The following MMP16 variants were observed in gnomAD, a reference collection of about 807,000 sequenced individuals.
MMP16 encodes the protein matrix metalloproteinase-16.
MMP16 carries 12 observed loss-of-function variants against 67.8 expected under a neutral mutation model. That is an observed-to-expected ratio of 0.18 (90% CI 0.11 to 0.29). The LOEUF is 0.29. MMP16 is among the 10% of genes least tolerant of loss of function. MMP16 has a pLI of 1.00. For missense variants in MMP16, 475 were observed against 765.7 expected, an observed-to-expected ratio of 0.62 and a Z score of 4.48; for synonymous variants, 249 against 255.9, an observed-to-expected ratio of 0.97 and a Z score of 0.26.
intron 4 of MMP16, among the ~76,000 whole-genome samples, chr8:88,123,195 T>C (rs1185506875): frequency 1.3e-5 from 2 of 151,990 alleles, no homozygotes; most frequent in Non-Finnish European, 2.9e-5. Flanking sequence ...GATTAAGAGG[T>C]GATTCTAAGA....
intron 6 of MMP16, among the ~76,000 whole-genome samples, chr8:88,089,571 T>C (rs1808898843): frequency 6.6e-6 from 1 of 151,660 alleles, no homozygotes; most frequent in South Asian, 2.1e-4. Context: ...AGAATGTATA[T>C]AAGAAAACAG....
chr8:88,278,832 T>C (rs1233395304), intron 1 of MMP16, among the ~76,000 whole-genome samples: 2 of 152,108 alleles, frequency 1.3e-5, no homozygotes, highest in African/African-American at 2.4e-5. Context: ...CTAGGGGCAT[T>C]GTACAATCCT....
chr8:88,090,594 G>A (rs1385396748), intron 6 of MMP16, among the ~76,000 whole-genome samples: 1 of 151,586 alleles, frequency 6.6e-6, no homozygotes, highest in Non-Finnish European at 1.5e-5. Context: ...CCTCTGATTG[G>A]TGCTCAAATG....
intron 1 of MMP16, among the ~76,000 whole-genome samples, chr8:88,295,341 C>T (rs959486510): frequency 1.6e-4 from 25 of 152,150 alleles, no homozygotes; most frequent in Middle Eastern, 3.4e-3. Flanking sequence ...ATGTAGGTGC[C>T]CTAAACACTT....
intron 6 of MMP16, among the ~76,000 whole-genome samples, chr8:88,097,185 T>C (rs1164056018): frequency 6.6e-6 from 1 of 151,996 alleles, no homozygotes; most frequent in Non-Finnish European, 1.5e-5. Flanking sequence ...GAAAATGTTT[T>C]ATGATTTCAG....
intron 1 of MMP16, among the ~76,000 whole-genome samples, chr8:88,262,970 A>G (rs920591054): frequency 6.6e-6 from 1 of 150,974 alleles, no homozygotes; most frequent in Non-Finnish European, 1.5e-5. Flanking sequence ...GCTTGCAGTG[A>G]GCCGAGATCG....
Position 88,036,036 on chromosome 8 carries a change from C to G in MMP16, c.*5425G>C, listed in dbSNP as rs754211728. ...CATGAAGGCAACTTCTTTGCTACTA[C>G]GCCAAGTGTCTTAGATTACATGAGT... On this transcript the variant is annotated 3_prime_UTR_variant, in exon 10 of 10. Coordinates refer to ENST00000286614, the MANE Select transcript of MMP16 (RefSeq NM_005941.5). 1 of 151,944 alleles carries G rather than the reference C, an allele frequency of 6.6e-6. No individual in the cohort carries two copies. Among genetic ancestry groups the G allele is most frequent in the Non-Finnish European group, 1.5e-5 (1 of 67,866 alleles). The allele number at this position is 151,944 out of a possible 1,614,324, so 9.4% of individuals were successfully genotyped here. A position where few individuals can be genotyped will look rare whatever the true frequency, so the allele number is the denominator to read the frequency against.
At chr8:88,257,220 G>T (rs549424355) in intron 1 of MMP16, among the ~76,000 whole-genome samples, 1 of 152,278 alleles carries the variant, frequency 6.6e-6, no homozygotes, top group South Asian at 2.1e-4. Flanking sequence ...CAACAAACAT[G>T]TTGAGACAGT....
intron 3 of MMP16, among the ~76,000 whole-genome samples, chr8:88,179,828 T>C (rs763175204): frequency 3.3e-5 from 5 of 152,012 alleles, no homozygotes; most frequent in South Asian, 2.1e-4. Context: ...GGAGGACAAT[T>C]GACAGGCTAA....
chr8:88,180,689 C>G (rs564601109), intron 3 of MMP16, among the ~76,000 whole-genome samples: 98 of 152,022 alleles, frequency 6.4e-4, no homozygotes, highest in African/African-American at 2.3e-3. Context: ...TAATTGGAGA[C>G]TTCCAATATC....
chr8:88,182,131 C>T (rs918734344), intron 3 of MMP16, among the ~76,000 whole-genome samples: 4 of 151,798 alleles, frequency 2.6e-5, no homozygotes, highest in East Asian at 3.9e-4. Flanking sequence ...AAGCACAATA[C>T]GAGAAGGAAA....
At chr8:88,105,344 GGTTA>G in intron 6 of MMP16, among the ~76,000 whole-genome samples, 1 of 151,124 alleles carries the variant, frequency 6.6e-6, no homozygotes, top group African/African-American at 2.4e-5. Context: ...TCATATATGG[GGTTA>G]GTAATTGGAA....
At chr8:88,244,162 A>G (rs1377226842) in intron 1 of MMP16, among the ~76,000 whole-genome samples, 1 of 152,126 alleles carries the variant, frequency 6.6e-6, no homozygotes, top group African/African-American at 2.4e-5. Flanking sequence ...TGAAGCAAAC[A>G]CTGCAGTGTA....
rs192311784 is a variant in MMP16 at position 88,285,885 on chromosome 8, C to T, written c.132+41190G>A. Among the ~76,000 whole-genome samples the T allele has an allele frequency of 2.3e-3, 351 of 152,258 alleles. 1 individual carries two copies. Among genetic ancestry groups the T allele is most frequent in the Admixed American group, 3.5e-3 (53 of 15,288 alleles). On this transcript the variant is annotated intron_variant, in intron 1 of 9. Coordinates refer to ENST00000286614, the MANE Select transcript of MMP16 (RefSeq NM_005941.5). ...GGCATTCCTCAAATAAAACGTTTTG[C>T]CATCTTATTTGTCACCTGTTATGTC...
chr8:88,176,499 G>A (rs1808892463), intron 3 of MMP16, among the ~76,000 whole-genome samples: 1 of 152,160 alleles, frequency 6.6e-6, no homozygotes, highest in African/African-American at 2.4e-5. Flanking sequence ...AATGAAAACA[G>A]TGTATCAATA....
intron 2 of MMP16, among the ~76,000 whole-genome samples, chr8:88,188,202 A>G (rs901391039): frequency 3.9e-5 from 6 of 152,212 alleles, no homozygotes; most frequent in Non-Finnish European, 8.8e-5. Flanking sequence ...AGATCTAGAT[A>G]TTGATTTAAT....
chr8:88,294,582 C>G (rs1236628475), intron 1 of MMP16, among the ~76,000 whole-genome samples: 4 of 151,344 alleles, frequency 2.6e-5, no homozygotes, highest in Non-Finnish European at 5.9e-5. Context: ...GTATATATGT[C>G]TCTATACACA....
At chr8:88,162,277 A>C (rs1351660157) in intron 4 of MMP16, among the ~76,000 whole-genome samples, 1 of 152,038 alleles carries the variant, frequency 6.6e-6, no homozygotes, top group Non-Finnish European at 1.5e-5. Flanking sequence ...TTTGATTACC[A>C]GTGTTGTAAA....
At chr8:88,044,094 T>C (rs1254061840) in intron 9 of MMP16, among the ~76,000 whole-genome samples, 1 of 152,218 alleles carries the variant, frequency 6.6e-6, no homozygotes, top group East Asian at 1.9e-4. Context: ...GCACATTTTA[T>C]AGTAACACAC....
Sources: allele counts gnomAD v4.1 joint callset (sites outside exome capture counted in the v4.1 genomes callset), GRCh38; gene constraint gnomAD v4.1.1; transcripts MANE v1.5; gene names NCBI Gene and HGNC (gene_info 2026-07-23, HGNC 2026-07-21).